Variants in AFF3 observed in about 807,000 individuals in gnomAD.
The protein encoded by AFF3 is AF4/FMR2 family member 3.
AFF3 carries 32 observed loss-of-function variants against 129.7 expected under a neutral mutation model. The observed-to-expected ratio is 0.25, with a 90% CI of 0.19 to 0.33. AFF3 has a LOEUF of 0.33. Ranked by LOEUF, AFF3 falls within the 10% of genes least tolerant of loss-of-function variation. AFF3 has a pLI of 1.00. For missense variants in AFF3, 1,373 were observed against 1,592.0 expected (o/e 0.86, Z 2.34); for synonymous variants, 644 against 635.4 (o/e 1.01, Z -0.20).
In AFF3 at chr2:100,014,783, C is replaced by CTTTTTTTTTTTTTTTTTTTTTT. The variant is rs60456923; in HGVS notation, c.54-5852_54-5851insAAAAAAAAAAAAAAAAAAAAAA. Among the ~76,000 whole-genome samples the CTTTTTTTTTTTTTTTTTTTTTT allele has an allele frequency of 1.6e-4, 19 of 120,404 alleles. 2 individuals carry two copies. The highest frequency in any genetic ancestry group is 5.6e-4 in the African/African-American group (17 of 30,138). The allele number at this position is 120,404 out of a possible 152,430, so 79.0% of individuals were successfully genotyped here. On this transcript the variant is annotated intron_variant, in intron 4 of 24. Coordinates refer to ENST00000672756, the MANE Select transcript of AFF3 (RefSeq NM_001386135.1). Reference sequence around the variant, plus strand: ...CCATACCTCCATACCACCTTGCTTCCTTTTTTTTTTTTTTTTTTTAGACGG... The same window carrying CTTTTTTTTTTTTTTTTTTTTTT: ...CCATACCTCCATACCACCTTGCTTCCTTTTTTTTTTTTTTTTTTTTTTTTTTTTTTTTTTTTTTTTTAGACGG...
intron 4 of AFF3, among the ~76,000 whole-genome samples, chr2:100,045,444 C>T (rs1398842348): frequency 1.3e-5 from 2 of 152,154 alleles, no homozygotes; most frequent in Non-Finnish European, 2.9e-5. Context: ...TAAGAACTGC[C>T]TTATGTCTTC....
At chr2:99,783,391 C>T (rs758284115) in intron 8 of AFF3, among the ~76,000 whole-genome samples, 12 of 152,156 alleles carry the variant, frequency 7.9e-5, no homozygotes, top group South Asian at 2.1e-4. Flanking sequence ...ACAATGCAAA[C>T]GAGAGGGTGT....
chr2:99,919,972 A>C (rs1463326688), intron 7 of AFF3, among the ~76,000 whole-genome samples: 1 of 152,146 alleles, frequency 6.6e-6, no homozygotes, highest in East Asian at 1.9e-4. Context: ...ACTTAGATGA[A>C]ATAGAGAAAT....
chr2:99,728,408 G>T (rs1393469854), intron 10 of AFF3, among the ~76,000 whole-genome samples: 1 of 152,066 alleles, frequency 6.6e-6, no homozygotes, highest in Non-Finnish European at 1.5e-5. Flanking sequence ...CACGTCCTTG[G>T]GCCCACACAT....
intron 12 of AFF3, among the ~76,000 whole-genome samples, chr2:99,671,694 TA>T (rs1411177189): frequency 1.3e-5 from 2 of 152,080 alleles, no homozygotes; most frequent in Non-Finnish European, 2.9e-5. Flanking sequence ...AATGACTTAT[TA>T]AAAAAAGCCT....
chr2:99,707,194 T>G (rs1677481156), intron 11 of AFF3: 13 of 985,460 alleles, frequency 1.3e-5, no homozygotes, highest in Non-Finnish European at 1.6e-5. Context: ...AAGGTTATTC[T>G]TCCCCATCCA....
chr2:99,723,571 A>G (rs1679096932), intron 11 of AFF3, among the ~76,000 whole-genome samples: 1 of 152,144 alleles, frequency 6.6e-6, no homozygotes. Flanking sequence ...CCACTCCTGC[A>G]GCTGCCATGG....
At chr2:99,780,738 C>A (rs189210882) in intron 8 of AFF3, among the ~76,000 whole-genome samples, 1 of 152,248 alleles carries the variant, frequency 6.6e-6, no homozygotes, top group East Asian at 1.9e-4. Context: ...ATCTTGACTT[C>A]TCTCTTTCTT....
At chr2:100,063,207 C>T (rs1477449410) in intron 4 of AFF3, among the ~76,000 whole-genome samples, 4 of 145,608 alleles carry the variant, frequency 2.7e-5, no homozygotes, top group East Asian at 4.1e-4. Flanking sequence ...GCCAAGATCG[C>T]GCCACTGCAT....
chr2:99,698,112 G>A (rs978316928), intron 11 of AFF3, among the ~76,000 whole-genome samples: 5 of 152,144 alleles, frequency 3.3e-5, no homozygotes, highest in African/African-American at 1.2e-4. Flanking sequence ...AGTTTCAAGA[G>A]CTAGCCCATC....
At chr2:100,071,213 AG>A (rs1213165710) in intron 4 of AFF3, among the ~76,000 whole-genome samples, 2 of 152,242 alleles carry the variant, frequency 1.3e-5, no homozygotes, top group Non-Finnish European at 2.9e-5. Context: ...GTTTCTAAGA[AG>A]AAATAGAATG....
At chr2:100,107,873 T>C (rs1042024020) in intron 2 of AFF3, among the ~76,000 whole-genome samples, 1 of 152,212 alleles carries the variant, frequency 6.6e-6, no homozygotes, top group Admixed American at 6.5e-5. Flanking sequence ...CTTGCATGGC[T>C]TTAATTCATG....
At chr2:99,749,490 C>T (rs1307435961) in intron 9 of AFF3, among the ~76,000 whole-genome samples, 2 of 152,152 alleles carry the variant, frequency 1.3e-5, no homozygotes, top group Non-Finnish European at 2.9e-5. Context: ...ACCATGATAC[C>T]TACACATAAC....
chr2:99,744,011 A>G (rs1006318231), intron 10 of AFF3, 93 bp downstream of exon 10: 29 of 1,117,690 alleles, frequency 2.6e-5, no homozygotes, highest in Non-Finnish European at 2.8e-5. Context: ...TTTGAAACCT[A>G]CTGTCCAATG....
At chr2:99,915,871 G>T (rs993622495) in intron 7 of AFF3, among the ~76,000 whole-genome samples, 3 of 152,008 alleles carry the variant, frequency 2.0e-5, no homozygotes, top group African/African-American at 7.3e-5. Flanking sequence ...CTCTCCTGGG[G>T]ATTCCTGCAA....
chr2:99,755,391 C>T (rs1682011584), intron 8 of AFF3, among the ~76,000 whole-genome samples: 1 of 152,028 alleles, frequency 6.6e-6, no homozygotes, highest in South Asian at 2.1e-4. Flanking sequence ...CCTCAGCCTC[C>T]CGAGTAGCTG....
At chr2:100,014,295 T>C (rs111621559) in intron 4 of AFF3, among the ~76,000 whole-genome samples, 9 of 152,170 alleles carry the variant, frequency 5.9e-5, no homozygotes, top group African/African-American at 2.2e-4. Context: ...GTCTAAGAAA[T>C]AAGCAAATTC....
At chr2:100,141,415 A>G (rs1046453679) in intron 1 of AFF3, among the ~76,000 whole-genome samples, 3 of 152,372 alleles carry the variant, frequency 2.0e-5, no homozygotes, top group Admixed American at 2.0e-4. Flanking sequence ...GAGATGGGAT[A>G]GCCCTAGGTA....
intron 11 of AFF3, among the ~76,000 whole-genome samples, chr2:99,725,268 T>C (rs549494931): frequency 4.2e-4 from 64 of 152,270 alleles, no homozygotes; most frequent in Non-Finnish European, 5.0e-4. Context: ...CCACCGTGCC[T>C]GGCCAACTTA....
Sources: gnomAD v4.1 joint callset for allele counts (sites outside exome capture counted in the v4.1 genomes callset) on GRCh38, gnomAD v4.1.1 for gene constraint, MANE v1.5 for transcripts, NCBI Gene and HGNC (gene_info 2026-07-23, HGNC 2026-07-21) for gene names.